The following TRIP4 variants were observed in gnomAD, a reference collection of about 807,000 sequenced individuals.
TRIP4 encodes activating signal cointegrator 1.
TRIP4 carries 54 observed loss-of-function variants against 81.8 expected under a neutral mutation model. The observed-to-expected ratio is 0.66, with a 90% CI of 0.53 to 0.83. TRIP4 has a LOEUF of 0.83. Ranked by LOEUF, TRIP4 falls within the 40% of genes least tolerant of loss-of-function variation. TRIP4 has a pLI of 0.00. For missense variants in TRIP4, 662 were observed against 683.6 expected (o/e 0.97, Z 0.35); for synonymous variants, 270 against 242.8 (o/e 1.11, Z -1.04).
chr15:64,392,699 TC>T (rs1415349411), intron 1 of TRIP4, among the ~76,000 whole-genome samples: 14 of 151,958 alleles, frequency 9.2e-5, no homozygotes, highest in Non-Finnish European at 1.9e-4. Context: ...TCTGCAGCCT[TC>T]ACCTCTGAGA....
intron 11 of TRIP4, among the ~76,000 whole-genome samples, chr15:64,431,059 T>C (rs923031329): frequency 6.6e-6 from 1 of 152,294 alleles, no homozygotes; most frequent in Non-Finnish European, 1.5e-5. Flanking sequence ...GTGGAAATCA[T>C]CAGCTTCTAT....
chr15:64,441,120 C>T (rs982923852), intron 11 of TRIP4, among the ~76,000 whole-genome samples: 3 of 152,006 alleles, frequency 2.0e-5, no homozygotes, highest in African/African-American at 7.2e-5. Context: ...CCTCAGCCTC[C>T]GGCGTAGCTG....
Position 64,394,001 on chromosome 15 carries a change from C to T in TRIP4, c.157C>T (p.Leu53Phe). Residue 53 changes from leucine to phenylalanine, a missense_variant, in exon 2 of 13, where the codon CTC becomes TTC. Leu to Phe is a conservative substitution (Grantham distance 22). Coordinates refer to ENST00000261884, the MANE Select transcript of TRIP4 (RefSeq NM_016213.5). ...GATACGAGAATATGTTACTGATCTC[C>T]TCCAGGGAAATGAAGGCAAAAAAGG... Reference protein sequence around the residue: ...EEIREYVTDLLQGNEGKKGQF... With the variant: ...EEIREYVTDLFQGNEGKKGQF... 6.2e-7 allele frequency: 1 copy of T among 1,610,884 alleles called. No homozygotes were observed. The highest frequency in any genetic ancestry group is 1.7e-4 in the Middle Eastern group (1 of 6,050).
chr15:64,387,852 C>CGGCTGGGGAAGATGGCGGT lies in TRIP4; in HGVS notation c.-3_16dup, dbSNP rs1899989536. 1.3e-6 allele frequency: 2 copies of CGGCTGGGGAAGATGGCGGT among 1,542,142 alleles called. No homozygotes were observed. Among genetic ancestry groups the CGGCTGGGGAAGATGGCGGT allele is most frequent in the Non-Finnish European group, 1.7e-6 (2 of 1,146,152 alleles). On this transcript the variant is annotated 5_prime_UTR_variant, in exon 1 of 13. It adds an upstream start codon to the 5' untranslated region. Coordinates refer to ENST00000261884, the MANE Select transcript of TRIP4 (RefSeq NM_016213.5). Reference sequence around the variant, plus strand: ...GGGGCTTTTGCAGCTCAGCTGGTTCCGGCTGGGGAAGATGGCGGTGGCTGG... The same window carrying CGGCTGGGGAAGATGGCGGT: ...GGGGCTTTTGCAGCTCAGCTGGTTCCGGCTGGGGAAGATGGCGGTGGCTGGGGAAGATGGCGGTGGCTGG...
intron 7 of TRIP4, among the ~76,000 whole-genome samples, chr15:64,413,572 CTTTTA>C (rs1353673323): frequency 3.3e-5 from 5 of 151,744 alleles, no homozygotes; most frequent in Admixed American, 2.0e-4. Flanking sequence ...TATTCTGGAA[CTTTTA>C]TTTTATTTAT....
intron 1 of TRIP4, among the ~76,000 whole-genome samples, chr15:64,388,706 G>A (rs1900027429): frequency 6.6e-6 from 1 of 152,210 alleles, no homozygotes; most frequent in Non-Finnish European, 1.5e-5. Flanking sequence ...TGGAAGCAGC[G>A]TGGTAGAGTA....
intron 7 of TRIP4, among the ~76,000 whole-genome samples, chr15:64,410,433 T>C (rs1243572379): frequency 6.6e-6 from 1 of 152,180 alleles, no homozygotes; most frequent in Admixed American, 6.5e-5. Flanking sequence ...TATGTGTGCA[T>C]GGGTGTGTGT....
In TRIP4 at chr15:64,451,488, T is replaced by G. The variant is rs138191186; in HGVS notation, c.1679-3509T>G. ...ATCTTTTTTTTTTTTTTTTTTTTTTTGGGGAGTGGGTCTCACTCTGTCACC... is the reference window on the plus strand; with the variant it reads ...ATCTTTTTTTTTTTTTTTTTTTTTTGGGGGAGTGGGTCTCACTCTGTCACC... On this transcript the variant is annotated intron_variant, in intron 12 of 12. Transcript: ENST00000261884. Among the ~76,000 whole-genome samples the G allele has an allele frequency of 9.3e-3, 335 of 36,034 alleles. 1 individual carries two copies. The highest frequency in any genetic ancestry group is 0.013 in the East Asian group (16 of 1,268). 23.6% of individuals were successfully genotyped at this position (36,034 alleles called of 152,430 possible). A position where few individuals can be genotyped will look rare whatever the true frequency, so the allele number is the denominator to read the frequency against.
Position 64,455,236 on chromosome 15 carries a change from C to T in TRIP4, c.*172C>T, listed in dbSNP as rs1892859415. 1 of 492,432 alleles carries T rather than the reference C, an allele frequency of 2.0e-6. No homozygotes were observed. Among genetic ancestry groups the T allele is most frequent in the Non-Finnish European group, 3.6e-6 (1 of 278,022 alleles). The allele number at this position is 492,432 out of a possible 1,614,324, so 30.5% of individuals were successfully genotyped here. On this transcript the variant is annotated 3_prime_UTR_variant, in exon 13 of 13. Coordinates refer to ENST00000261884, the MANE Select transcript of TRIP4 (RefSeq NM_016213.5). ...TATATTTTTCTTAAGGAGTGGGATT[C>T]CTACTTTATGTAATGGGGTCGAAAT...
At chr15:64,454,671 T>C (rs895987336) in intron 12 of TRIP4, among the ~76,000 whole-genome samples, 18 of 152,222 alleles carry the variant, frequency 1.2e-4, no homozygotes, top group Non-Finnish European at 2.1e-4. Context: ...CTTTATTGCA[T>C]GTGTATATTC....
intron 11 of TRIP4, among the ~76,000 whole-genome samples, chr15:64,430,377 A>G (rs1177530573): frequency 1.3e-5 from 2 of 152,276 alleles, no homozygotes; most frequent in Admixed American, 6.5e-5. Flanking sequence ...GAAGGAGCCC[A>G]TGCTGTTTGC....
At position 64,409,730 on chromosome 15, in the gene TRIP4, A is replaced by C; in HGVS notation, c.945A>C (p.Glu315Asp). The change falls in exon 7 of 13, where the codon GAA becomes GAC. Residue 315 changes from glutamate (E) to aspartate (D), a missense_variant. By Grantham distance (45) the Glu-to-Asp change is conservative. Coordinates refer to ENST00000261884, the MANE Select transcript of TRIP4 (RefSeq NM_016213.5). ...TLQKREEELR[E>D]LRHASRLSKK... The stretch of plus-strand genomic sequence containing the variant: ...AGAAGCGAGAGGAGGAGCTGAGAGA[A>C]CTTCGACACGCCTCTCGACTTTCTA... 6.2e-7 allele frequency: 1 copy of C among 1,614,154 alleles called. No homozygotes were observed. The highest frequency in any genetic ancestry group is 8.5e-7 in the Non-Finnish European group (1 of 1,180,032).
chr15:64,409,840 G>C lies in TRIP4; in HGVS notation c.1043+12G>C. 1 of 1,609,060 alleles carries C rather than the reference G, an allele frequency of 6.2e-7. No homozygotes were observed. The highest frequency in any genetic ancestry group is 8.5e-7 in the Non-Finnish European group (1 of 1,175,880). On this transcript the variant is annotated intron_variant, in intron 7 of 12. Transcript: ENST00000261884. ...GAGTATCATAGCAGGTAAGTGAGCA[G>C]CACTAGAAAGGGTCTCAAAGAAGGA... is the stretch of plus-strand genomic sequence containing the variant.
chr15:64,387,840 C>T lies in TRIP4; in HGVS notation c.-24C>T, dbSNP rs1386614729. 18 of 1,539,130 alleles carry T rather than the reference C, an allele frequency of 1.2e-5. No homozygotes were observed. The South Asian group carries it at 1.8e-4, about 15-fold the overall frequency. ...GGTGCAGGACGTGGGGCTTTTGCAGCTCAGCTGGTTCCGGCTGGGGAAGAT... is the reference window on the plus strand; with the variant it reads ...GGTGCAGGACGTGGGGCTTTTGCAGTTCAGCTGGTTCCGGCTGGGGAAGAT... On this transcript the variant is annotated 5_prime_UTR_variant, in exon 1 of 13. Coordinates refer to ENST00000261884, the MANE Select transcript of TRIP4 (RefSeq NM_016213.5).
chr15:64,436,869 C>G (rs942920786), intron 11 of TRIP4, among the ~76,000 whole-genome samples: 1 of 143,974 alleles, frequency 6.9e-6, no homozygotes, highest in Non-Finnish European at 1.5e-5. Flanking sequence ...CCACCACACC[C>G]AGCTAATTTT....
chr15:64,432,672 G>T (rs796331249), intron 11 of TRIP4, among the ~76,000 whole-genome samples: 13 of 151,454 alleles, frequency 8.6e-5, no homozygotes, highest in African/African-American at 3.2e-4. Context: ...AGCAGCTTGG[G>T]AGGCCAAGAT....
intron 7 of TRIP4, 79 bp downstream of exon 7, chr15:64,409,907 T>G: frequency 1.6e-6 from 2 of 1,275,120 alleles, no homozygotes; most frequent in Non-Finnish European, 2.2e-6. Flanking sequence ...AGTGGATCTT[T>G]TATTTTTGTT....
intron 10 of TRIP4, among the ~76,000 whole-genome samples, chr15:64,424,808 G>A (rs964504722): frequency 2.6e-5 from 4 of 151,852 alleles, no homozygotes; most frequent in South Asian, 2.1e-4. Context: ...ACAGAGTCTC[G>A]TTCTGTAACC....
At chr15:64,450,701 G>C (rs1225872052) in intron 12 of TRIP4, 1 of 456,016 alleles carries the variant, frequency 2.2e-6, no homozygotes, top group Admixed American at 2.3e-5. Flanking sequence ...GAATTCCTGG[G>C]AATATCCTGG....
Sources: allele counts gnomAD v4.1 joint callset (sites outside exome capture counted in the v4.1 genomes callset), GRCh38; gene constraint gnomAD v4.1.1; transcripts MANE v1.5; gene names NCBI Gene and HGNC (gene_info 2026-07-23, HGNC 2026-07-21).